The following ROBO2 variants were observed in gnomAD, a reference collection of about 807,000 sequenced individuals.
The protein encoded by ROBO2 is roundabout homolog 2.
Under a neutral mutation model 160.8 loss-of-function variants are expected in ROBO2, and 53 were observed. The ratio of observed to expected loss-of-function variants is 0.33; its 90% confidence interval spans 0.26 to 0.41. ROBO2 has a LOEUF of 0.41. Ranked by LOEUF, ROBO2 falls within the 10% of genes least tolerant of loss-of-function variation. The probability of loss-of-function intolerance (pLI) is 1.00; values close to 1 mark genes in which losing one functional copy is unlikely to be tolerated. For synonymous variants in ROBO2, 664 were observed against 611.7 expected (o/e 1.09, Z -1.26); for missense variants, 1,577 against 1,722.4 (o/e 0.92, Z 1.49).
intron 2 of ROBO2, among the ~76,000 whole-genome samples, chr3:76,333,681 A>G (rs2073661817): frequency 6.6e-6 from 1 of 152,178 alleles, no homozygotes; most frequent in Non-Finnish European, 1.5e-5. Flanking sequence ...CTAACCACGC[A>G]AGCAAAAGAA....
rs1036053665 is a variant in ROBO2 at position 75,948,955 on chromosome 3, G to T, written c.109+11353G>T. Reference sequence around the variant, plus strand: ...CATACGGTATTTATAGTGCATTTTTGTTATTGAAATGATTACTGTTTAGTT... The same window carrying T: ...CATACGGTATTTATAGTGCATTTTTTTTATTGAAATGATTACTGTTTAGTT... On this transcript the variant is annotated intron_variant, in intron 2 of 26. Transcript: ENST00000487694. 2.0e-5 allele frequency among the ~76,000 whole-genome samples: 3 copies of T among 151,976 alleles called. No individual in the cohort carries two copies. In the East Asian group the frequency reaches 5.8e-4, roughly 29 times the overall value.
intron 2 of ROBO2, 21 bp downstream of exon 2, chr3:77,098,361 T>C (rs748219465): frequency 5.6e-6 from 9 of 1,609,180 alleles, no homozygotes; most frequent in Middle Eastern, 3.3e-4. Context: ...ATAATGAACC[T>C]CATGTGCACA....
chr3:76,183,967 A>G lies in ROBO2; in HGVS notation c.109+246365A>G, dbSNP rs142079013. ...TAACTCATTATTTCTTGAATAATTTAGAAAATACAGTAAAGCAAAATGATA... is the reference window on the plus strand; with the variant it reads ...TAACTCATTATTTCTTGAATAATTTGGAAAATACAGTAAAGCAAAATGATA... On this transcript the variant is annotated intron_variant, in intron 2 of 26. Transcript: ENST00000487694. Among the ~76,000 whole-genome samples the G allele has an allele frequency of 3.8e-3, 577 of 152,294 alleles. 5 individuals are homozygous for G. Among genetic ancestry groups the G allele is most frequent in the African/African-American group, 0.013 (547 of 41,566 alleles).
At chr3:76,382,536 G>A (rs1380176410) in intron 2 of ROBO2, among the ~76,000 whole-genome samples, 2 of 152,182 alleles carry the variant, frequency 1.3e-5, no homozygotes, top group African/African-American at 4.8e-5. Flanking sequence ...GCAGTGAGCC[G>A]AGATCGCGCC....
chr3:76,858,761 G>A (rs1456845912), intron 2 of ROBO2, among the ~76,000 whole-genome samples: 1 of 152,154 alleles, frequency 6.6e-6, no homozygotes, highest in African/African-American at 2.4e-5. Context: ...GGAAAACCAA[G>A]ACAATGAATT....
chr3:77,466,685 T>A (rs918594185), intron 2 of ROBO2, among the ~76,000 whole-genome samples: 7 of 152,188 alleles, frequency 4.6e-5, no homozygotes, highest in Non-Finnish European at 7.4e-5. Context: ...TTAAAGTAAC[T>A]GGCAAAGAAG....
At chr3:76,818,694 C>T (rs1281581305) in intron 2 of ROBO2, among the ~76,000 whole-genome samples, 2 of 152,048 alleles carry the variant, frequency 1.3e-5, no homozygotes, top group African/African-American at 4.8e-5. Context: ...ATTATCCAGG[C>T]ACCATTTGTT....
intron 1 of ROBO2, among the ~76,000 whole-genome samples, chr3:77,068,211 T>G (rs959527170): frequency 6.6e-6 from 1 of 152,040 alleles, no homozygotes; most frequent in African/African-American, 2.4e-5. Context: ...TGCACAGGCT[T>G]TTGGTTTAAT....
At chr3:76,106,983 T>TATCTC (rs1336470749) in intron 2 of ROBO2, among the ~76,000 whole-genome samples, 1 of 152,104 alleles carries the variant, frequency 6.6e-6, no homozygotes, top group East Asian at 1.9e-4. Context: ...GGTGTAGATA[T>TATCTC]ATCTCTGTAC....
intron 2 of ROBO2, among the ~76,000 whole-genome samples, chr3:76,554,062 A>G (rs960170285): frequency 1.3e-5 from 2 of 152,236 alleles, no homozygotes; most frequent in Non-Finnish European, 2.9e-5. Context: ...AGCATGGTTT[A>G]TAATCACACA....
rs533590611 is a variant in ROBO2, at chr3:75,938,386, C to G, written c.109+784C>G. On this transcript the variant is annotated intron_variant, in intron 2 of 26. Coordinates refer to the ROBO2 transcript ENST00000487694. ...ATTATTATTTTTGGAGGTGTGTTGC[C>G]TGCTCAGATACAAATTGCATTTCCG... is the stretch of plus-strand genomic sequence containing the variant. 4.6e-3 allele frequency among the ~76,000 whole-genome samples: 693 copies of G among 151,986 alleles called. 4 individuals are homozygous for G. Among genetic ancestry groups the G allele is most frequent in the African/African-American group, 0.016 (667 of 41,478 alleles).
At chr3:77,575,982 G>A (rs2093752177) in intron 14 of ROBO2, among the ~76,000 whole-genome samples, 1 of 152,112 alleles carries the variant, frequency 6.6e-6, no homozygotes. Context: ...TGGGAATGAT[G>A]AGCGGCGATT....
chr3:76,282,830 A>G (rs1708298522), intron 2 of ROBO2, among the ~76,000 whole-genome samples: 1 of 151,862 alleles, frequency 6.6e-6, no homozygotes, highest in African/African-American at 2.4e-5. Flanking sequence ...GTGCTTTGCA[A>G]AAATCTCAGT....
At chr3:75,918,965 C>T (rs756779252) in intron 1 of ROBO2, among the ~76,000 whole-genome samples, 2 of 152,234 alleles carry the variant, frequency 1.3e-5, no homozygotes, top group Non-Finnish European at 2.9e-5. Flanking sequence ...TGTAAATATA[C>T]AATCATGTCA....
intron 2 of ROBO2, among the ~76,000 whole-genome samples, chr3:76,068,314 G>T (rs2068330452): frequency 6.6e-6 from 1 of 152,146 alleles, no homozygotes; most frequent in South Asian, 2.1e-4. Context: ...ATAGTTCCTT[G>T]TAGGCCTCTG....
chr3:76,272,864 A>G lies in ROBO2; in HGVS notation c.109+335262A>G, dbSNP rs865859299. 6.9e-3 allele frequency among the ~76,000 whole-genome samples: 601 copies of G among 87,014 alleles called. 46 individuals are homozygous for G. Among genetic ancestry groups the G allele is most frequent in the African/African-American group, 0.03 (582 of 19,582 alleles). 57.1% of individuals were successfully genotyped at this position (87,014 alleles called of 152,430 possible). A position where few individuals can be genotyped will look rare whatever the true frequency, so the allele number is the denominator to read the frequency against. ...ATTATATATTATATATAAAATATAT[A>G]AAATATATAATATATATTTATATAT... On this transcript the variant is annotated intron_variant, in intron 2 of 26. Transcript: ENST00000487694.
chr3:77,269,588 C>T (rs909373293), intron 2 of ROBO2, among the ~76,000 whole-genome samples: 9 of 149,696 alleles, frequency 6.0e-5, no homozygotes, highest in Non-Finnish European at 1.2e-4. Flanking sequence ...CCAATGAAAA[C>T]ATGGTTGGTA....
At chr3:77,341,590 G>C (rs1310941528) in intron 2 of ROBO2, among the ~76,000 whole-genome samples, 1 of 152,166 alleles carries the variant, frequency 6.6e-6, no homozygotes, top group Non-Finnish European at 1.5e-5. Context: ...ATAATGAAAA[G>C]AAATATCCTC....
chr3:77,562,589 T>C, intron 9 of ROBO2, 62 bp from the exon 11 acceptor site: 3 of 1,169,970 alleles, frequency 2.6e-6, no homozygotes, highest in East Asian at 4.7e-5. Context: ...CTGGCTGTCA[T>C]TGAGTAATTA....
Sources: gnomAD v4.1 joint callset for allele counts (sites outside exome capture counted in the v4.1 genomes callset) on GRCh38, gnomAD v4.1.1 for gene constraint, MANE v1.5 for transcripts, NCBI Gene and HGNC (gene_info 2026-07-23, HGNC 2026-07-21) for gene names.